HMCN1: variants seen among roughly 807,000 people sequenced by gnomAD.
HMCN1 encodes the protein hemicentin-1.
Under a neutral mutation model 625.9 loss-of-function variants are expected in HMCN1, and 321 were observed. The observed-to-expected ratio is 0.51, with a 90% CI of 0.47 to 0.56. The LOEUF is 0.56. Among genes scored for constraint, HMCN1 ranks in the 20% least tolerant of loss-of-function variants. The pLI is 0.00. For missense variants in HMCN1, 6,588 were observed against 6,887.3 expected, an observed-to-expected ratio of 0.96 and a Z score of 1.54; for synonymous variants, 2,425 against 2,417.6, an observed-to-expected ratio of 1.00 and a Z score of -0.09.
chr1:185,779,258 AT>A (rs1288482008), intron 1 of HMCN1, among the ~76,000 whole-genome samples: 1 of 152,114 alleles, frequency 6.6e-6, no homozygotes. Context: ...CCTTTGTCAG[AT>A]GAGTAGATTG....
At chr1:186,175,888 AAAAGAAAG>A (rs1421964473) in intron 103 of HMCN1, among the ~76,000 whole-genome samples, 2 of 148,366 alleles carry the variant, frequency 1.3e-5, no homozygotes, top group African/African-American at 2.5e-5. Context: ...AAAAAAAAAA[AAAAGAAAG>A]AAAAGAAAAG....
chr1:185,928,792 C>A, intron 10 of HMCN1, 125 bp downstream of exon 10: 1 of 1,065,968 alleles, frequency 9.4e-7, no homozygotes, highest in Non-Finnish European at 1.4e-6. Flanking sequence ...TCTATCTCTC[C>A]ACTGAATTGA....
At chr1:185,913,190 A>C (rs1383962073) in intron 6 of HMCN1, among the ~76,000 whole-genome samples, 3 of 152,228 alleles carry the variant, frequency 2.0e-5, no homozygotes, top group Non-Finnish European at 4.4e-5. Flanking sequence ...AAAAGGGCAT[A>C]GGTGAAAAGG....
At chr1:185,846,227 C>T in intron 2 of HMCN1, 131 bp downstream of exon 2, 1 of 693,562 alleles carries the variant, frequency 1.4e-6, no homozygotes, top group East Asian at 2.7e-5. Flanking sequence ...GCCACATCCC[C>T]CAGCCCTCAA....
At chr1:186,082,473 A>G (rs534185409) in intron 56 of HMCN1, among the ~76,000 whole-genome samples, 3 of 152,270 alleles carry the variant, frequency 2.0e-5, no homozygotes, top group African/African-American at 7.2e-5. Flanking sequence ...ACGAGTGAAC[A>G]GGCTTCAGTT....
intron 36 of HMCN1, among the ~76,000 whole-genome samples, chr1:186,032,760 AAAAAAAAGAT>A (rs1385465432): frequency 8.1e-6 from 1 of 123,370 alleles, no homozygotes; most frequent in Non-Finnish European, 1.7e-5. Flanking sequence ...AAAAAAAAGA[AAAAAAAAGAT>A]GTGGTGTGGA....
At chr1:186,161,673 C>T (rs931317625) in intron 97 of HMCN1, among the ~76,000 whole-genome samples, 2 of 152,024 alleles carry the variant, frequency 1.3e-5, no homozygotes, top group Non-Finnish European at 2.9e-5. Context: ...TTCTCCTTCA[C>T]TTATGAAGCT....
At chr1:185,919,333 C>T (rs1054668224) in intron 6 of HMCN1, among the ~76,000 whole-genome samples, 1 of 152,114 alleles carries the variant, frequency 6.6e-6, no homozygotes, top group Non-Finnish European at 1.5e-5. Flanking sequence ...AGCTTTCTTG[C>T]TTATGTTCTC....
rs375325906 is a variant in HMCN1 at position 185,830,995 on chromosome 1, G to C, written c.269-15031G>C. Reference sequence around the variant, plus strand: ...GCCCTGATGATTTTATAAGGGAATTGAACCAAAACTTCAAAAACTTGATAA... The same window carrying C: ...GCCCTGATGATTTTATAAGGGAATTCAACCAAAACTTCAAAAACTTGATAA... On this transcript the variant is annotated intron_variant, in intron 1 of 106. Transcript: ENST00000271588. Among the ~76,000 whole-genome samples the C allele has an allele frequency of 1.6e-4, 24 of 152,164 alleles. 1 individual carries two copies. The highest frequency in any genetic ancestry group is 5.5e-4 in the African/African-American group (23 of 41,510).
intron 93 of HMCN1, among the ~76,000 whole-genome samples, chr1:186,148,968 G>A (rs1291823471): frequency 6.6e-6 from 1 of 150,882 alleles, no homozygotes; most frequent in Non-Finnish European, 1.5e-5. Context: ...CTGAGCGTTA[G>A]GTCTCAAAAA....
At chr1:185,897,474 C>G (rs191669944) in intron 4 of HMCN1, among the ~76,000 whole-genome samples, 28 of 152,294 alleles carry the variant, frequency 1.8e-4, no homozygotes, top group Admixed American at 7.2e-4. Context: ...TCTCCCTACC[C>G]TCATCACTTA....
In HMCN1 at chr1:185,893,156, G is replaced by T. The variant is rs142061674; in HGVS notation, c.622-16181G>T. ...CACTTCCTGAGTGAGGCAATGCCTC[G>T]CCCTGCTTCGGCTCACGCACGGTGC... On this transcript the variant is annotated intron_variant, in intron 4 of 106. Coordinates refer to ENST00000271588, the MANE Select transcript of HMCN1 (RefSeq NM_031935.3). 6.2e-3 allele frequency among the ~76,000 whole-genome samples: 943 copies of T among 152,278 alleles called. 34 individuals are homozygous for T. The East Asian group carries it at 0.12, about 19-fold the overall frequency.
intron 11 of HMCN1, among the ~76,000 whole-genome samples, chr1:185,937,862 C>G (rs1017470558): frequency 9.4e-5 from 14 of 149,358 alleles, no homozygotes; most frequent in African/African-American, 3.2e-4. Flanking sequence ...GCCTGGGCAA[C>G]AGAGCGAGAC....
intron 1 of HMCN1, among the ~76,000 whole-genome samples, chr1:185,788,571 T>C (rs1262982169): frequency 6.6e-6 from 1 of 152,170 alleles, no homozygotes; most frequent in Non-Finnish European, 1.5e-5. Flanking sequence ...GAGGGGGTTT[T>C]TACAGGAAGC....
chr1:186,043,447 A>T (rs1429975359), intron 40 of HMCN1, among the ~76,000 whole-genome samples: 1 of 152,112 alleles, frequency 6.6e-6, no homozygotes, highest in Non-Finnish European at 1.5e-5. Flanking sequence ...TTTTCCTCTC[A>T]TTTAAAAAAT....
chr1:185,936,190 T>C (rs546050405), intron 11 of HMCN1, among the ~76,000 whole-genome samples: 1 of 152,206 alleles, frequency 6.6e-6, no homozygotes, highest in South Asian at 2.1e-4. Context: ...TTACAAGTTT[T>C]TTGTAGTAAT....
At chr1:186,185,768 A>T (rs1382471746) in intron 105 of HMCN1, among the ~76,000 whole-genome samples, 1 of 152,198 alleles carries the variant, frequency 6.6e-6, no homozygotes, top group Non-Finnish European at 1.5e-5. Context: ...ATTATGTACT[A>T]CTGTACAATG....
chr1:185,835,014 C>T (rs373814864), intron 1 of HMCN1, among the ~76,000 whole-genome samples: 73 of 152,234 alleles, frequency 4.8e-4, no homozygotes, highest in East Asian at 3.9e-3. Context: ...CATAACTTGA[C>T]GACAGTATTA....
intron 2 of HMCN1, among the ~76,000 whole-genome samples, chr1:185,852,608 A>G (rs1662232753): frequency 6.8e-6 from 1 of 147,142 alleles, no homozygotes; most frequent in Non-Finnish European, 1.5e-5. Context: ...ACACACACAC[A>G]CACACACACA....
Sources: gnomAD v4.1 joint callset for allele counts (sites outside exome capture counted in the v4.1 genomes callset) on GRCh38, gnomAD v4.1.1 for gene constraint, MANE v1.5 for transcripts, NCBI Gene and HGNC (gene_info 2026-07-23, HGNC 2026-07-21) for gene names.